BMX: variants seen among roughly 807,000 people sequenced by gnomAD.
The protein encoded by BMX is BMX non-receptor tyrosine kinase, also known as cytoplasmic tyrosine-protein kinase BMX.
In BMX, 31 loss-of-function variants were observed where a neutral mutation model predicts 59.2. That is an observed-to-expected ratio of 0.52 (90% CI 0.39 to 0.71). The LOEUF (loss-of-function observed/expected upper bound fraction) is 0.71. BMX is among the 30% of genes least tolerant of loss of function. BMX has a pLI of 0.00. For missense variants in BMX, 474 were observed against 491.7 expected (o/e 0.96, Z 0.34); for synonymous variants, 185 against 181.0 (o/e 1.02, Z -0.18).
Position 15,500,866 on chromosome X carries a change from A to T in BMX, c.-84A>T. On this transcript the variant is annotated 5_prime_UTR_variant, in exon 1 of 19. Transcript: ENST00000348343. ...AACAATTTGCTTCTGGAAACAGGAC[A>T]GCCGGGGCCGTGTTCCTGCAACAGC... 1 of 754,178 alleles carries T rather than the reference A, an allele frequency of 1.3e-6. No homozygotes were observed. The highest frequency in any genetic ancestry group is 1.6e-6 in the Non-Finnish European group (1 of 639,413). The allele number at this position is 754,178 out of a possible 1,213,427, so 62.2% of individuals were successfully genotyped here.
chrX:15,521,258 T>C (rs768981783), intron 6 of BMX, among the ~76,000 whole-genome samples: 1 of 112,262 alleles, frequency 8.9e-6, no homozygotes, highest in East Asian at 2.8e-4. Flanking sequence ...TATAACATCA[T>C]AGATTGTTTG....
intron 17 of BMX, 70 bp from the exon 18 acceptor site, chrX:15,549,770 C>T (rs1926104234): frequency 8.9e-7 from 1 of 1,128,864 alleles, no homozygotes; most frequent in South Asian, 2.3e-5. Flanking sequence ...AAACTCACTC[C>T]ACAAACCCTG....
intron 14 of BMX, among the ~76,000 whole-genome samples, chrX:15,538,185 C>T (rs1925466525): frequency 9.2e-6 from 1 of 108,379 alleles, no homozygotes; most frequent in Admixed American, 9.9e-5. Context: ...CTCTCTCTCC[C>T]TCTTCCTCTC....
At chrX:15,506,745 C>A (rs886883356) in intron 1 of BMX, among the ~76,000 whole-genome samples, 2 of 112,272 alleles carry the variant, frequency 1.8e-5, no homozygotes, top group Admixed American at 1.9e-4. Context: ...TCTGCCCTGT[C>A]TTTGATCACT....
Position 15,529,253 on chromosome X carries a change from C to A in BMX, c.885-720C>A, listed in dbSNP as rs774156465. Among the ~76,000 whole-genome samples the A allele has an allele frequency of 1.9e-3, 210 of 111,986 alleles. 1 individual carries two copies. The highest frequency in any genetic ancestry group is 6.3e-3 in the African/African-American group (194 of 30,852). ...CATACAGAGATTATACAAAGAATCA[C>A]TTCCCATCCATTCCTGCCAAGTTCT... is the stretch of plus-strand genomic sequence containing the variant. On this transcript the variant is annotated intron_variant, in intron 9 of 18. Coordinates refer to ENST00000348343, the MANE Select transcript of BMX (RefSeq NM_203281.3).
At chrX:15,552,429 C>A (rs2085738255) in intron 18 of BMX, among the ~76,000 whole-genome samples, 1 of 112,154 alleles carries the variant, frequency 8.9e-6, no homozygotes, top group Non-Finnish European at 1.9e-5. Context: ...GAATAATGTT[C>A]TTTCCCCTCT....
At position 15,511,451 on chromosome X, in the gene BMX, T is replaced by C; in HGVS notation, c.258T>C (p.Asp86=). ...TTCCTTTCCAGATTGTCTATAAAGATGGGCTTCTCTATGTCTATGCATCAA... is the reference window on the plus strand; with the variant it reads ...TTCCTTTCCAGATTGTCTATAAAGACGGGCTTCTCTATGTCTATGCATCAA... ...RQYPFQIVYK[D]GLLYVYASNE... The change falls in exon 4 of 19, where the codon GAT becomes GAC. Residue 86 remains aspartate (D), a synonymous_variant. Coordinates refer to ENST00000348343, the MANE Select transcript of BMX (RefSeq NM_203281.3). 8.3e-7 allele frequency: 1 copy of C among 1,203,309 alleles called. No individual in the cohort carries two copies. Among genetic ancestry groups the C allele is most frequent in the Non-Finnish European group, 1.1e-6 (1 of 890,077 alleles).
intron 18 of BMX, among the ~76,000 whole-genome samples, chrX:15,555,352 T>C (rs1176315628): frequency 2.8e-5 from 3 of 108,221 alleles, no homozygotes; most frequent in Non-Finnish European, 5.7e-5. Context: ...TGGACTACAG[T>C]TGTGCACAAC....
intron 1 of BMX, among the ~76,000 whole-genome samples, chrX:15,505,586 T>C (rs1416599390): frequency 8.9e-6 from 1 of 112,646 alleles, no homozygotes; most frequent in African/African-American, 3.2e-5. Flanking sequence ...CTTGGCTTTA[T>C]AGAATAAACA....
In BMX at chrX:15,537,199, G is replaced by A. The variant is rs1303127995; in HGVS notation, c.1288G>A (p.Val430Met). ...LKELGSGQFG[V>M]VQLGKWKGQY... is the part of the protein sequence containing the mutation. ...GGAGCTGGGAAGTGGCCAGTTTGGA[G>A]TGGTCCAGCTGGGCAAGTGGAAGGG... Residue 430 changes from valine (V) to methionine (M), a missense_variant, in exon 14 of 19, where the codon GTG becomes ATG. Coordinates refer to ENST00000348343, the MANE Select transcript of BMX (RefSeq NM_203281.3). 4.1e-6 allele frequency: 5 copies of A among 1,208,574 alleles called. No homozygotes were observed. The East Asian group carries it at 1.2e-4, about 29-fold the overall frequency.
chrX:15,534,178 AT>A (rs1204324539), intron 11 of BMX, 33 bp from the exon 12 acceptor site: 1 of 1,096,392 alleles, frequency 9.1e-7, no homozygotes, highest in African/African-American at 1.9e-5. Flanking sequence ...TTTATTGTTT[AT>A]TTTAAATGTT....
At chrX:15,548,776 A>G (rs1335076702) in intron 17 of BMX, among the ~76,000 whole-genome samples, 1 of 112,095 alleles carries the variant, frequency 8.9e-6, no homozygotes, top group Non-Finnish European at 1.9e-5. Flanking sequence ...AGGAAACTGC[A>G]TTCTTTTGGA....
chrX:15,549,825 C>T lies in BMX; in HGVS notation c.1796-15C>T, dbSNP rs1182063621. 8.4e-7 allele frequency: 1 copy of T among 1,191,544 alleles called. No individual in the cohort carries two copies. The highest frequency in any genetic ancestry group is 1.1e-6 in the Non-Finnish European group (1 of 884,406). Reference sequence around the variant, plus strand: ...TCTTCCTTTTTTATCTGGGCCACCTCTTGGTGTGGTGCAGGGATCCTGATG... The same window carrying T: ...TCTTCCTTTTTTATCTGGGCCACCTTTTGGTGTGGTGCAGGGATCCTGATG... On this transcript the variant is annotated splice_polypyrimidine_tract_variant and intron_variant, in intron 17 of 18. Transcript: ENST00000348343.
intron 9 of BMX, among the ~76,000 whole-genome samples, chrX:15,527,077 G>A (rs1924775128): frequency 4.8e-5 from 5 of 104,577 alleles, no homozygotes; most frequent in African/African-American, 1.7e-4. Context: ...TGATTATTAT[G>A]CATTGCATGT....
chrX:15,543,007 G>A, intron 15 of BMX, 64 bp from the exon 16 acceptor site: 1 of 1,048,397 alleles, frequency 9.5e-7, no homozygotes, highest in Non-Finnish European at 1.3e-6. Flanking sequence ...TACTCAAAAG[G>A]AGGAAAATGT....
intron 1 of BMX, among the ~76,000 whole-genome samples, chrX:15,506,599 TTC>T (rs1923751526): frequency 8.9e-6 from 1 of 112,205 alleles, no homozygotes; most frequent in African/African-American, 3.2e-5. Context: ...TCCGAGCAAA[TTC>T]TCTTCCGGCC....
At chrX:15,525,538 T>G (rs1924673674) in intron 8 of BMX, among the ~76,000 whole-genome samples, 173 bp downstream of exon 8, 1 of 111,969 alleles carries the variant, frequency 8.9e-6, no homozygotes, top group East Asian at 2.8e-4. Flanking sequence ...TGGGTTCTAG[T>G]TTTTCTTGAA....
In BMX at chrX:15,522,287, T is replaced by A; in HGVS notation, c.511-59T>A. The A allele has an allele frequency of 3.4e-6, 4 of 1,176,836 alleles. No individual in the cohort carries two copies. The South Asian group carries it at 5.7e-5, about 17-fold the overall frequency. ...AAGAGCTGATATACTTAATTGTCAG[T>A]TCCCGGTACCTGAATCTGTGCCTCA... is the stretch of plus-strand genomic sequence containing the variant. On this transcript the variant is annotated intron_variant, in intron 6 of 18. Coordinates refer to ENST00000348343, the MANE Select transcript of BMX (RefSeq NM_203281.3).
At chrX:15,551,529 G>GTATA (rs748545797) in intron 18 of BMX, among the ~76,000 whole-genome samples, 2 of 94,775 alleles carry the variant, frequency 2.1e-5, no homozygotes, top group African/African-American at 7.8e-5. Flanking sequence ...GTGTGTGTGT[G>GTATA]TATATATATA....
Sources: gnomAD v4.1 joint callset for allele counts (sites outside exome capture counted in the v4.1 genomes callset) on GRCh38, gnomAD v4.1.1 for gene constraint, MANE v1.5 for transcripts, NCBI Gene and HGNC (gene_info 2026-07-23, HGNC 2026-07-21) for gene names.